PM20D2: variants seen among roughly 807,000 people sequenced by gnomAD.
PM20D2 encodes peptidase M20 domain containing 2.
A neutral mutation model predicts 42.9 loss-of-function variants in PM20D2; 33 were observed. The observed-to-expected ratio is 0.77, with a 90% CI of 0.58 to 1.03. The LOEUF (loss-of-function observed/expected upper bound fraction) is 1.03. Ranked by LOEUF, PM20D2 falls within the 50% of genes least tolerant of loss-of-function variation. The probability of loss-of-function intolerance (pLI) is 0.00; values close to 1 mark genes in which losing one functional copy is unlikely to be tolerated. For synonymous variants in PM20D2, 250 were observed against 228.2 expected (o/e 1.10, Z -0.86); for missense variants, 548 against 557.0 (o/e 0.98, Z 0.16).
upstream of PM20D2, among the ~76,000 whole-genome samples, chr6:89,141,143 C>A (rs530595594): frequency 5.3e-5 from 8 of 152,236 alleles, no homozygotes; most frequent in African/African-American, 1.9e-4. Context: ...TAATGCACAT[C>A]CATCAATTTG....
At chr6:89,115,385 C>T in the PM20D2 span, among the ~76,000 whole-genome samples, 10 of 152,078 alleles carry the variant, frequency 6.6e-5, no homozygotes, top group African/African-American at 2.4e-4. Context: ...GGGGTTCAAG[C>T]GATTCTCGTG....
the PM20D2 span, among the ~76,000 whole-genome samples, chr6:89,106,266 C>T: frequency 8.7e-6 from 1 of 115,460 alleles, no homozygotes; most frequent in African/African-American, 2.9e-5. Context: ...GTGCCCGGCA[C>T]CACACCCGGC....
At chr6:89,103,165 C>T in the PM20D2 span, among the ~76,000 whole-genome samples, 9 of 152,120 alleles carry the variant, frequency 5.9e-5, no homozygotes, top group Non-Finnish European at 1.2e-4. Flanking sequence ...AAGATGTGGT[C>T]CTTCCATCCC....
chr6:89,101,601 G>A, the PM20D2 span, among the ~76,000 whole-genome samples: 28 of 152,008 alleles, frequency 1.8e-4, no homozygotes, highest in Admixed American at 5.9e-4. Flanking sequence ...GGGAGGCTGA[G>A]GCAGGAGAAT....
At chr6:89,117,816 C>T in the PM20D2 span, 15 of 1,551,608 alleles carry the variant, frequency 9.7e-6, no homozygotes, top group Non-Finnish European at 1.3e-5. Flanking sequence ...CAGCCGCGGC[C>T]GTTCACCTGG....
chr6:89,139,364 C>A, the PM20D2 span, among the ~76,000 whole-genome samples: 180 of 152,272 alleles, frequency 1.2e-3, no homozygotes, highest in African/African-American at 4.0e-3. Context: ...CCTGTGCCAC[C>A]ATACCCAGCT....
the PM20D2 span, chr6:89,107,252 C>T: frequency 6.2e-7 from 1 of 1,613,790 alleles, no homozygotes; most frequent in Non-Finnish European, 8.5e-7. Flanking sequence ...GGCGCAAGTC[C>T]TCAGGCCTGA....
chr6:89,144,824 C>T (rs1770468104), upstream of PM20D2, among the ~76,000 whole-genome samples: 1 of 144,612 alleles, frequency 6.9e-6, no homozygotes, highest in South Asian at 2.1e-4. Context: ...TTATTATCGC[C>T]AAGGGGGCCC....
chr6:89,115,098 A>C, the PM20D2 span, among the ~76,000 whole-genome samples: 1 of 150,174 alleles, frequency 6.7e-6, no homozygotes, highest in South Asian at 2.1e-4. Flanking sequence ...GCCCGGCCAC[A>C]GCTTTTATTT....
Position 89,162,438 on chromosome 6 carries a change from T to C in PM20D2, c.*175T>C, listed in dbSNP as rs1028896017. ...ATTACCTCATATCTAAAGTGAAAAT[T>C]TTTGCAAATCCGTACTTGATAGGAT... On this transcript the variant is annotated 3_prime_UTR_variant, in exon 7 of 7. Coordinates refer to ENST00000275072, the MANE Select transcript of PM20D2 (RefSeq NM_001010853.3). 1 of 656,318 alleles carries C rather than the reference T, an allele frequency of 1.5e-6. No individual in the cohort carries two copies. The highest frequency in any genetic ancestry group is 1.8e-5 in the African/African-American group (1 of 54,596). The allele number at this position is 656,318 out of a possible 1,614,324, so 40.7% of individuals were successfully genotyped here. A position where few individuals can be genotyped will look rare whatever the true frequency, so the allele number is the denominator to read the frequency against.
At chr6:89,159,953 A>G (rs1315730123) in intron 5 of PM20D2, among the ~76,000 whole-genome samples, 1 of 152,176 alleles carries the variant, frequency 6.6e-6, no homozygotes, top group Non-Finnish European at 1.5e-5. Flanking sequence ...GGTTTTATAT[A>G]ATGGACAAAA....
the PM20D2 span, among the ~76,000 whole-genome samples, chr6:89,121,843 TTTAAG>T: frequency 2.7e-4 from 41 of 152,224 alleles, no homozygotes; most frequent in Non-Finnish European, 5.3e-4. Flanking sequence ...TTAAATGCTT[TTTAAG>T]TTTTCACCTA....
the PM20D2 span, among the ~76,000 whole-genome samples, chr6:89,099,983 A>T: frequency 2.4e-3 from 358 of 152,274 alleles, 4 homozygotes; most frequent in African/African-American, 7.9e-3. Flanking sequence ...AGCATGGAGG[A>T]GTTGAGCCCA....
At position 89,162,426 on chromosome 6, in the gene PM20D2, T is replaced by A; in HGVS notation, c.*163T>A. On this transcript the variant is annotated 3_prime_UTR_variant, in exon 7 of 7. Transcript: ENST00000275072. The stretch of plus-strand genomic sequence containing the variant: ...GAAAACATATTAATTACCTCATATC[T>A]AAAGTGAAAATTTTTGCAAATCCGT... 1 of 725,850 alleles carries A rather than the reference T, an allele frequency of 1.4e-6. No individual in the cohort carries two copies. Among genetic ancestry groups the A allele is most frequent in the Non-Finnish European group, 2.1e-6 (1 of 478,276 alleles). 45.0% of individuals were successfully genotyped at this position (725,850 alleles called of 1,614,324 possible). A position where few individuals can be genotyped will look rare whatever the true frequency, so the allele number is the denominator to read the frequency against.
At chr6:89,159,508 G>A (rs1172840372) in intron 5 of PM20D2, among the ~76,000 whole-genome samples, 1 of 152,174 alleles carries the variant, frequency 6.6e-6, no homozygotes, top group Non-Finnish European at 1.5e-5. Flanking sequence ...CAGATGCTGG[G>A]TCTCACTTCT....
At chr6:89,109,949 G>A in the PM20D2 span, among the ~76,000 whole-genome samples, 5 of 152,204 alleles carry the variant, frequency 3.3e-5, no homozygotes, top group South Asian at 1.0e-3. Context: ...AAATTAACTG[G>A]GCGTGGTGGC....
chr6:89,154,236 A>C (rs1044451717), intron 3 of PM20D2, among the ~76,000 whole-genome samples: 1 of 152,190 alleles, frequency 6.6e-6, no homozygotes, highest in Non-Finnish European at 1.5e-5. Context: ...ATTCCAAATA[A>C]ATACATTTGT....
At chr6:89,117,533 G>A in the PM20D2 span, among the ~76,000 whole-genome samples, 4 of 152,326 alleles carry the variant, frequency 2.6e-5, no homozygotes, top group East Asian at 7.7e-4. Context: ...GGCGCCCCGT[G>A]TCCCACGGCC....
In PM20D2 at chr6:89,146,246, G is replaced by A. The variant is rs1259924566; in HGVS notation, c.102G>A (p.Ala34=). 6.3e-7 allele frequency: 1 copy of A among 1,579,114 alleles called. No individual in the cohort carries two copies. The highest frequency in any genetic ancestry group is 8.5e-7 in the Non-Finnish European group (1 of 1,170,348). The change falls in exon 1 of 7, where the codon GCG becomes GCA. Residue 34 remains alanine (A), a synonymous_variant. Transcript: ENST00000275072. ...KLRSAECIDE[A]AERLGALSRA... ...GCTCGGCGGAGTGCATCGACGAGGC[G>A]GCCGAGCGGCTGGGGGCCCTGAGCC...
Sources: gnomAD v4.1 joint callset for allele counts (sites outside exome capture counted in the v4.1 genomes callset) on GRCh38, gnomAD v4.1.1 for gene constraint, MANE v1.5 for transcripts, NCBI Gene and HGNC (gene_info 2026-07-23, HGNC 2026-07-21) for gene names.